The following CTNNA2 variants were observed in gnomAD, a reference collection of about 807,000 sequenced individuals.
CTNNA2 encodes catenin alpha-2.
In CTNNA2, 42 loss-of-function variants were observed where a neutral mutation model predicts 101.0. That is an observed-to-expected ratio of 0.42 (90% CI 0.32 to 0.54). The LOEUF is 0.54. CTNNA2 is among the 20% of genes least tolerant of loss of function. The probability of loss-of-function intolerance (pLI) is 0.14; values close to 1 mark genes in which losing one functional copy is unlikely to be tolerated. For synonymous variants in CTNNA2, 450 were observed against 456.4 expected (o/e 0.99, Z 0.18); for missense variants, 871 against 1,223.1 (o/e 0.71, Z 4.29).
chr2:80,487,989 C>CT (rs1686734169), intron 9 of CTNNA2, among the ~76,000 whole-genome samples: 1 of 152,130 alleles, frequency 6.6e-6, no homozygotes, highest in Non-Finnish European at 1.5e-5. Flanking sequence ...ATTTGTAGAT[C>CT]TTTTTATTTC....
At chr2:79,668,555 A>G (rs1290987266) in intron 2 of CTNNA2, among the ~76,000 whole-genome samples, 1 of 152,212 alleles carries the variant, frequency 6.6e-6, no homozygotes, top group Non-Finnish European at 1.5e-5. Flanking sequence ...CTCCTTGAAT[A>G]TTCCTTTCTT....
rs188027029 is a variant in CTNNA2 at position 80,399,002 on chromosome 2, G to A, written c.1137+5711G>A. Among the ~76,000 whole-genome samples the A allele has an allele frequency of 2.0e-4, 30 of 151,676 alleles. No homozygotes were observed. The East Asian group carries it at 4.0e-3, about 20-fold the overall frequency. ...CAACTCACTGCAACCTTCACCTCCC[G>A]GGCTAAAGTGATCCTCTTGCCTCAG... On this transcript the variant is annotated intron_variant, in intron 8 of 18. Transcript: ENST00000402739.
intron 3 of CTNNA2, among the ~76,000 whole-genome samples, chr2:79,338,574 C>T (rs1298252194): frequency 1.9e-5 from 2 of 107,824 alleles, no homozygotes; most frequent in South Asian, 6.8e-4. Flanking sequence ...TCTTCCTCCT[C>T]ATCATCTTCT....
intron 1 of CTNNA2, chr2:79,524,752 C>T (rs904792602): frequency 6.6e-6 from 1 of 151,888 alleles, no homozygotes; most frequent in African/African-American, 2.4e-5. Context: ...TTCTCAATAT[C>T]TGTCTTTTCC....
intron 6 of CTNNA2, among the ~76,000 whole-genome samples, chr2:79,877,533 C>G (rs1683118086): frequency 6.6e-6 from 1 of 151,940 alleles, no homozygotes; most frequent in African/African-American, 2.4e-5. Context: ...ATGATGAATA[C>G]TGTTTTTTTA....
At chr2:80,205,004 C>G (rs1707444486) in intron 7 of CTNNA2, among the ~76,000 whole-genome samples, 1 of 152,048 alleles carries the variant, frequency 6.6e-6, no homozygotes. Flanking sequence ...CAAATTCACT[C>G]TGACAAGAAC....
At chr2:79,719,100 T>G (rs1686306922) in intron 2 of CTNNA2, among the ~76,000 whole-genome samples, 1 of 152,146 alleles carries the variant, frequency 6.6e-6, no homozygotes, top group Non-Finnish European at 1.5e-5. Context: ...TGTTTATATG[T>G]GCTTAGTGTT....
At chr2:80,124,926 G>A (rs907212089) in intron 7 of CTNNA2, among the ~76,000 whole-genome samples, 1 of 152,158 alleles carries the variant, frequency 6.6e-6, no homozygotes, top group Non-Finnish European at 1.5e-5. Flanking sequence ...GGCACACGGA[G>A]GAGCTGAGAG....
In CTNNA2 at chr2:79,636,269, C is replaced by CAA. The variant is rs57739991; in HGVS notation, c.-5-15254_-5-15253dup. The stretch of plus-strand genomic sequence containing the variant: ...TGGGCAACAGAGTGAGACTCTGTCT[C>CAA]AAAAAAAAAAAAAAAAAAAAAAAAA... On this transcript the variant is annotated intron_variant, in intron 1 of 18. Transcript: ENST00000402739. 7.0e-3 allele frequency among the ~76,000 whole-genome samples: 473 copies of CAA among 67,170 alleles called. 15 individuals are homozygous for CAA. Among genetic ancestry groups the CAA allele is most frequent in the Non-Finnish European group, 0.012 (373 of 31,554 alleles). The allele number at this position is 67,170 out of a possible 152,430, so 44.1% of individuals were successfully genotyped here. A position where few individuals can be genotyped will look rare whatever the true frequency, so the allele number is the denominator to read the frequency against.
At position 79,817,316 on chromosome 2, in the gene CTNNA2, C is replaced by CTTT. The variant is rs550422225; in HGVS notation, c.299-40673_299-40671dup. 2.4e-3 allele frequency among the ~76,000 whole-genome samples: 178 copies of CTTT among 73,848 alleles called. 14 individuals carry two copies. The highest frequency in any genetic ancestry group is 6.7e-3 in the African/African-American group (143 of 21,226). The allele number at this position is 73,848 out of a possible 152,430, so 48.4% of individuals were successfully genotyped here. ...TGCAGAATAATGTATTTCTCTCTCACTTTTTTTTTTTTTTTTTTTTTTTTT... is the reference window on the plus strand; with the variant it reads ...TGCAGAATAATGTATTTCTCTCTCACTTTTTTTTTTTTTTTTTTTTTTTTTTTT... On this transcript the variant is annotated intron_variant, in intron 3 of 18. Transcript: ENST00000402739.
intron 4 of CTNNA2, among the ~76,000 whole-genome samples, chr2:79,471,201 A>T (rs1290137053): frequency 1.3e-5 from 2 of 152,150 alleles, no homozygotes; most frequent in Admixed American, 6.5e-5. Context: ...TCAAGTGTGG[A>T]TGAGGCTGCC....
rs923694053 is a variant in CTNNA2 at position 80,457,123 on chromosome 2, C to T, written c.1290+37522C>T. ...ACAGAGTCTCGCTCTGTCACCCAGG[C>T]GGTGATCTCGACTCACTGCAACCTC... On this transcript the variant is annotated intron_variant, in intron 9 of 18. Transcript: ENST00000402739. Among the ~76,000 whole-genome samples, 47 of 151,724 alleles carry T rather than the reference C, an allele frequency of 3.1e-4. 1 individual carries two copies. The highest frequency in any genetic ancestry group is 1.0e-3 in the African/African-American group (43 of 41,262).
intron 2 of CTNNA2, among the ~76,000 whole-genome samples, chr2:79,245,991 A>T (rs147407312): frequency 3.5e-4 from 53 of 152,302 alleles, no homozygotes; most frequent in Admixed American, 9.8e-4. Context: ...TCAGATTCGA[A>T]TCCAGGCTGT....
At chr2:80,401,978 C>T (rs1678591654) in intron 8 of CTNNA2, among the ~76,000 whole-genome samples, 2 of 152,164 alleles carry the variant, frequency 1.3e-5, no homozygotes, top group African/African-American at 4.8e-5. Context: ...ACTAAGGGCT[C>T]ATTTTCACAA....
chr2:80,538,230 G>A (rs971633092), intron 9 of CTNNA2, among the ~76,000 whole-genome samples: 3 of 152,114 alleles, frequency 2.0e-5, no homozygotes, highest in Admixed American at 6.6e-5. Flanking sequence ...AGTTTGATTA[G>A]ATCCAATTTG....
chr2:79,993,645 G>C (rs1692336887), intron 7 of CTNNA2, among the ~76,000 whole-genome samples: 1 of 152,198 alleles, frequency 6.6e-6, no homozygotes, highest in South Asian at 2.1e-4. Flanking sequence ...AGATCAGGTA[G>C]TGTGGAGTGA....
intron 4 of CTNNA2, among the ~76,000 whole-genome samples, chr2:79,375,951 G>C (rs112895324): frequency 8.6e-4 from 131 of 152,240 alleles, no homozygotes; most frequent in Middle Eastern, 6.8e-3. Flanking sequence ...TGTATGAAGA[G>C]ATGAGCTGAG....
intron 2 of CTNNA2, among the ~76,000 whole-genome samples, chr2:79,728,199 G>T (rs1315774801): frequency 6.6e-6 from 1 of 152,080 alleles, no homozygotes; most frequent in Non-Finnish European, 1.5e-5. Flanking sequence ...CACCAACAGT[G>T]TAAAAGTGTT....
intron 1 of CTNNA2, among the ~76,000 whole-genome samples, chr2:79,534,064 CCTT>C (rs755694313): frequency 6.6e-6 from 1 of 151,690 alleles, no homozygotes; most frequent in African/African-American, 2.4e-5. Flanking sequence ...GAAGTGTTAT[CCTT>C]CTTGTCAAAA....
Sources: gnomAD v4.1 joint callset for allele counts (sites outside exome capture counted in the v4.1 genomes callset) on GRCh38, gnomAD v4.1.1 for gene constraint, MANE v1.5 for transcripts, NCBI Gene and HGNC (gene_info 2026-07-23, HGNC 2026-07-21) for gene names.